The following DTNBP1 variants were observed in gnomAD, a reference collection of about 807,000 sequenced individuals.
DTNBP1 encodes the protein dysbindin.
A neutral mutation model predicts 42.8 loss-of-function variants in DTNBP1; 35 were observed. That is an observed-to-expected ratio of 0.82 (90% CI 0.63 to 1.09). The LOEUF (loss-of-function observed/expected upper bound fraction) is 1.09, where lower values mean the gene tolerates loss of function less well. DTNBP1 is among the 50% of genes least tolerant of loss of function. The pLI, the probability that DTNBP1 is intolerant of heterozygous loss-of-function variation, is 0.00. For missense variants in DTNBP1, 457 were observed against 424.2 expected (o/e 1.08, Z -0.68); for synonymous variants, 171 against 162.2 (o/e 1.05, Z -0.41).
intron 4 of DTNBP1, among the ~76,000 whole-genome samples, chr6:15,630,972 T>C (rs924603576): frequency 3.3e-5 from 5 of 152,168 alleles, no homozygotes; most frequent in African/African-American, 1.2e-4. Flanking sequence ...CAGTTGCTTG[T>C]TTTATAAACT....
At chr6:15,600,908 C>T (rs1242303615) in intron 6 of DTNBP1, among the ~76,000 whole-genome samples, 1 of 152,114 alleles carries the variant, frequency 6.6e-6, no homozygotes, top group Non-Finnish European at 1.5e-5. Context: ...AGAAGAGAGA[C>T]CTGCACTGAA....
intron 6 of DTNBP1, among the ~76,000 whole-genome samples, chr6:15,598,824 A>G (rs1044510555): frequency 2.0e-5 from 3 of 152,148 alleles, no homozygotes; most frequent in Non-Finnish European, 2.9e-5. Flanking sequence ...GACATTCTCA[A>G]CATTATCTTT....
intron 3 of DTNBP1, 151 bp downstream of exon 3, chr6:15,651,162 C>T: frequency 2.7e-6 from 2 of 750,636 alleles, no homozygotes; most frequent in Non-Finnish European, 4.6e-6. Context: ...AAGTGAAAGC[C>T]CTCAAGGAAA....
At chr6:15,566,347 C>T (rs1334037809) in intron 7 of DTNBP1, among the ~76,000 whole-genome samples, 1 of 152,056 alleles carries the variant, frequency 6.6e-6, no homozygotes, top group Non-Finnish European at 1.5e-5. Flanking sequence ...TTCTAAGCCC[C>T]CCAAATGATT....
intron 7 of DTNBP1, among the ~76,000 whole-genome samples, chr6:15,550,879 T>C (rs1420338250): frequency 6.6e-6 from 1 of 152,148 alleles, no homozygotes; most frequent in Non-Finnish European, 1.5e-5. Flanking sequence ...CTGAGGAAGA[T>C]GCTGCATGAG....
At chr6:15,584,728 T>TTTTTTTA (rs1775988118) in intron 7 of DTNBP1, among the ~76,000 whole-genome samples, 1 of 128,308 alleles carries the variant, frequency 7.8e-6, no homozygotes, top group Non-Finnish European at 1.6e-5. Flanking sequence ...TTTTTTTTTT[T>TTTTTTTA]CATTTACAGA....
At chr6:15,613,718 A>G (rs1227714319) in intron 6 of DTNBP1, among the ~76,000 whole-genome samples, 1 of 152,112 alleles carries the variant, frequency 6.6e-6, no homozygotes, top group East Asian at 1.9e-4. Context: ...TTTGTGGGAC[A>G]AATGAAATGT....
Position 15,637,774 on chromosome 6 carries a change from T to A in DTNBP1, c.192A>T (p.Arg64Ser), listed in dbSNP as rs898727394. The A allele has an allele frequency of 6.2e-7, 1 of 1,613,816 alleles. No individual in the cohort carries two copies. Among genetic ancestry groups the A allele is most frequent in the Non-Finnish European group, 8.5e-7 (1 of 1,180,006 alleles). ...RYEDTWAALH[R>S]RAKDCASAGE... ...CAGCACTTGCACAGTCTTTGGCTCT[T>A]CTGTGAAGTGCAGCCCATGTATCCT... The change falls in exon 4 of 10, where the codon AGA (arginine) becomes AGT (serine). Residue 64 changes from arginine (R) to serine (S), a missense_variant. Arg to Ser is a moderately radical substitution (Grantham distance 110, BLOSUM62 -1). Transcript: ENST00000344537.
intron 2 of DTNBP1, among the ~76,000 whole-genome samples, chr6:15,651,750 C>T (rs1761011332): frequency 6.6e-6 from 1 of 152,140 alleles, no homozygotes; most frequent in Non-Finnish European, 1.5e-5. Flanking sequence ...GCTGAAGAGG[C>T]TCATTTGCCA....
At chr6:15,558,886 TTAAA>T (rs368936789) in intron 7 of DTNBP1, among the ~76,000 whole-genome samples, 2 of 152,362 alleles carry the variant, frequency 1.3e-5, no homozygotes, top group East Asian at 3.9e-4. Flanking sequence ...CAGTACATTC[TTAAA>T]TAAATGTCGT....
rs55761852 is a variant in DTNBP1, at chr6:15,644,818, A to G, written c.161+6495T>C. The stretch of plus-strand genomic sequence containing the variant: ...AGAAAATTTACAGTGCTCCATGACT[A>G]CACCAAAACACACAAAGATCTCAAA... On this transcript the variant is annotated intron_variant, in intron 3 of 9. Transcript: ENST00000344537. 6.2e-3 allele frequency among the ~76,000 whole-genome samples: 939 copies of G among 152,210 alleles called. 14 individuals carry two copies. The highest frequency in any genetic ancestry group is 0.022 in the African/African-American group (901 of 41,570).
At chr6:15,660,430 A>C in intron 1 of DTNBP1, 1 of 1,289,766 alleles carries the variant, frequency 7.8e-7, no homozygotes, top group Non-Finnish European at 1.0e-6. Context: ...CTACTGGGAG[A>C]CTGACATCAC....
At chr6:15,650,507 C>T (rs1190969127) in intron 3 of DTNBP1, among the ~76,000 whole-genome samples, 1 of 152,096 alleles carries the variant, frequency 6.6e-6, no homozygotes, top group East Asian at 1.9e-4. Flanking sequence ...GTCTCAAACT[C>T]CTGACCTCAA....
chr6:15,544,512 T>C (rs991137385), intron 7 of DTNBP1, among the ~76,000 whole-genome samples: 1 of 152,236 alleles, frequency 6.6e-6, no homozygotes. Flanking sequence ...GCTATTCCAT[T>C]TTACATCCCC....
At chr6:15,661,545 T>A (rs1309216039) in intron 1 of DTNBP1, among the ~76,000 whole-genome samples, 2 of 149,200 alleles carry the variant, frequency 1.3e-5, no homozygotes, top group Admixed American at 1.4e-4. Flanking sequence ...ACTCAGGAGG[T>A]GGAGCCAGGA....
At chr6:15,542,778 A>G (rs1773651576) in intron 7 of DTNBP1, among the ~76,000 whole-genome samples, 1 of 151,442 alleles carries the variant, frequency 6.6e-6, no homozygotes. Context: ...TGCAACCTCC[A>G]CCTCCTGGGT....
Position 15,587,809 on chromosome 6 carries a change from T to C in DTNBP1, c.511+5250A>G, listed in dbSNP as rs1187725468. Among the ~76,000 whole-genome samples, 3 of 152,134 alleles carry C rather than the reference T, an allele frequency of 2.0e-5. No homozygotes were observed. The highest frequency in any genetic ancestry group is 6.5e-5 in the Admixed American group (1 of 15,278). The stretch of plus-strand genomic sequence containing the variant: ...CACGAACACAAGGCTTAACTGAAAA[T>C]GGATCACAGACCTAAATGTAAGAGC... On this transcript the variant is annotated intron_variant, in intron 7 of 9. Coordinates refer to ENST00000344537, the MANE Select transcript of DTNBP1 (RefSeq NM_032122.5). The surrounding 1 kb of genome is among the most constrained non-coding windows in gnomAD (Gnocchi z 4.1).
chr6:15,543,697 C>A (rs1388828973), intron 7 of DTNBP1, among the ~76,000 whole-genome samples: 1 of 152,138 alleles, frequency 6.6e-6, no homozygotes, highest in East Asian at 1.9e-4. Context: ...ACTCTCCTTG[C>A]CCCTAGTTTC....
At chr6:15,621,213 A>T (rs958497226) in intron 5 of DTNBP1, among the ~76,000 whole-genome samples, 1 of 152,254 alleles carries the variant, frequency 6.6e-6, no homozygotes, top group Non-Finnish European at 1.5e-5. Context: ...GATTTTTCTG[A>T]AAAGAAACTA....
Sources: allele counts gnomAD v4.1 joint callset (sites outside exome capture counted in the v4.1 genomes callset), GRCh38; gene constraint gnomAD v4.1.1; non-coding constraint Gnocchi (gnomAD v3.1); transcripts MANE v1.5; gene names NCBI Gene and HGNC (gene_info 2026-07-23, HGNC 2026-07-21).